The following TMEM131 variants were observed in gnomAD, a reference collection of about 807,000 sequenced individuals.
The protein encoded by TMEM131 is 2610524E03Rik.
TMEM131 carries 66 observed loss-of-function variants against 211.6 expected under a neutral mutation model. The ratio of observed to expected loss-of-function variants is 0.31; its 90% CI spans 0.26 to 0.38. TMEM131 has a LOEUF of 0.38. TMEM131 is among the 10% of genes least tolerant of loss of function. The pLI is 1.00. For missense variants in TMEM131, 2,036 were observed against 2,299.3 expected (o/e 0.89, Z 2.34); for synonymous variants, 844 against 841.3 (o/e 1.00, Z -0.06).
intron 4 of TMEM131, among the ~76,000 whole-genome samples, chr2:97,863,369 C>G (rs76803876): frequency 0.028 from 4,225 of 152,178 alleles, 66 homozygotes; most frequent in Middle Eastern, 0.065. Context: ...CCGCAAGCAC[C>G]AGTAACCAAA....
intron 25 of TMEM131, among the ~76,000 whole-genome samples, chr2:97,801,281 T>G (rs891212261): frequency 3.3e-5 from 5 of 152,232 alleles, no homozygotes; most frequent in African/African-American, 7.2e-5. Context: ...GAGCCTTAGC[T>G]CCAAGTGTTA....
At chr2:97,786,216 G>A (rs927609961) in intron 31 of TMEM131, among the ~76,000 whole-genome samples, 9 of 152,098 alleles carry the variant, frequency 5.9e-5, no homozygotes, top group East Asian at 1.9e-4. Context: ...TTATTTGCAC[G>A]TGAATCTACA....
intron 5 of TMEM131, among the ~76,000 whole-genome samples, chr2:97,849,715 C>A (rs56319654): frequency 8.2e-4 from 100 of 122,104 alleles, no homozygotes; most frequent in African/African-American, 2.9e-3. Flanking sequence ...ATCTCTCTCT[C>A]TCTTTTTTTT....
intron 1 of TMEM131, among the ~76,000 whole-genome samples, chr2:97,932,718 C>T (rs1677281183): frequency 6.6e-6 from 1 of 152,190 alleles, no homozygotes; most frequent in Non-Finnish European, 1.5e-5. Flanking sequence ...CTCTTAGCAG[C>T]TTCAGTATCA....
intron 24 of TMEM131, 53 bp downstream of exon 24, chr2:97,802,375 A>G: frequency 7.6e-7 from 1 of 1,307,688 alleles, no homozygotes; most frequent in Non-Finnish European, 1.1e-6. Flanking sequence ...AGTGAATAAA[A>G]TACTAATTCA....
intron 1 of TMEM131, among the ~76,000 whole-genome samples, chr2:97,946,123 A>C (rs898501169): frequency 3.9e-5 from 6 of 152,142 alleles, no homozygotes; most frequent in Non-Finnish European, 8.8e-5. Flanking sequence ...ATCTTGTAAT[A>C]TAATATTTAT....
intron 2 of TMEM131, among the ~76,000 whole-genome samples, chr2:97,915,219 A>G (rs1371965998): frequency 1.3e-5 from 2 of 152,150 alleles, no homozygotes; most frequent in Non-Finnish European, 2.9e-5. Flanking sequence ...TTCTTTCTAT[A>G]TTCCAGAAAC....
chr2:97,893,203 C>T (rs1012713740), intron 3 of TMEM131, among the ~76,000 whole-genome samples: 2 of 152,168 alleles, frequency 1.3e-5, no homozygotes, highest in African/African-American at 4.8e-5. Context: ...CATCCATGTC[C>T]CTGCAAAGGG....
intron 5 of TMEM131, among the ~76,000 whole-genome samples, chr2:97,845,996 G>A (rs1051187113): frequency 1.3e-5 from 2 of 152,098 alleles, no homozygotes; most frequent in South Asian, 2.1e-4. Flanking sequence ...TTTGACAGTC[G>A]GCTAGATCTG....
intron 1 of TMEM131, among the ~76,000 whole-genome samples, chr2:97,990,549 T>A (rs1269783850): frequency 1.3e-5 from 2 of 152,238 alleles, no homozygotes; most frequent in Non-Finnish European, 2.9e-5. Context: ...AGCCTCAGTT[T>A]CATGATCTCT....
rs1363457968 is a variant in TMEM131, at chr2:97,797,413, T to C, written c.2822A>G (p.Lys941Arg). The stretch of plus-strand genomic sequence containing the variant: ...AGTTCTGTTGTGAACTGGAGTAAAC[T>C]TTACTTTGACAGATTTCTTTTCTCC... ...KPGEKKSVKVKFTPVHNRTVS... is the reference protein window; with the variant it reads ...KPGEKKSVKVRFTPVHNRTVS... Residue 941 changes from lysine (K) to arginine (R), a missense_variant, in exon 26 of 41, where the codon AAG (lysine) becomes AGG (arginine). Lys to Arg is a conservative substitution (Grantham distance 26). Coordinates refer to ENST00000186436, the MANE Select transcript of TMEM131 (RefSeq NM_015348.2). 3 of 1,612,690 alleles carry C rather than the reference T, an allele frequency of 1.9e-6. No homozygotes were observed. Among genetic ancestry groups the C allele is most frequent in the Admixed American group, 3.3e-5 (2 of 59,970 alleles).
intron 11 of TMEM131, among the ~76,000 whole-genome samples, chr2:97,829,750 G>C (rs1264190691): frequency 1.3e-5 from 2 of 152,132 alleles, no homozygotes; most frequent in African/African-American, 4.8e-5. Flanking sequence ...CTTCAAGTCA[G>C]AGAGACCAAG....
chr2:97,973,368 G>A (rs1165381114), intron 1 of TMEM131, among the ~76,000 whole-genome samples: 1 of 152,172 alleles, frequency 6.6e-6, no homozygotes, highest in East Asian at 1.9e-4. Flanking sequence ...AAGGACATGG[G>A]AAACAAACAA....
At position 97,939,628 on chromosome 2, in the gene TMEM131, C is replaced by T. The variant is rs1573586475; in HGVS notation, c.188-12141G>A. ...GGAGCTGGTACCATTCCTTCTGAAA[C>T]TATTGCAATCAACAGAAAAAGAGGG... On this transcript the variant is annotated intron_variant, in intron 1 of 40. Transcript: ENST00000186436. 4.6e-5 allele frequency among the ~76,000 whole-genome samples: 7 copies of T among 152,310 alleles called. 1 individual carries two copies. Among genetic ancestry groups the T allele is most frequent in the Admixed American group, 4.6e-4 (7 of 15,306 alleles).
chr2:97,844,935 C>A (rs961197135), intron 5 of TMEM131, among the ~76,000 whole-genome samples: 1 of 152,082 alleles, frequency 6.6e-6, no homozygotes, highest in Non-Finnish European at 1.5e-5. Context: ...CATTCTGCCT[C>A]TATGGCTAGA....
intron 4 of TMEM131, among the ~76,000 whole-genome samples, chr2:97,877,208 A>G (rs561911607): frequency 1.1e-3 from 170 of 152,312 alleles, no homozygotes; most frequent in African/African-American, 3.9e-3. Flanking sequence ...TTAAGAGAGG[A>G]CACAAACAAA....
intron 7 of TMEM131, among the ~76,000 whole-genome samples, chr2:97,839,047 G>C (rs78006955): frequency 0.33 from 50,709 of 152,076 alleles, 9,308 homozygotes; most frequent in Non-Finnish European, 0.39. Context: ...GATTAGACCA[G>C]ACTCAGTGGC....
intron 2 of TMEM131, among the ~76,000 whole-genome samples, chr2:97,920,800 G>A (rs890894111): frequency 6.6e-6 from 1 of 152,112 alleles, no homozygotes; most frequent in Non-Finnish European, 1.5e-5. Flanking sequence ...TCTATCGAAA[G>A]ATGTTCAAGA....
At chr2:97,934,277 T>C (rs1677350301) in intron 1 of TMEM131, among the ~76,000 whole-genome samples, 1 of 151,982 alleles carries the variant, frequency 6.6e-6, no homozygotes, top group Admixed American at 6.6e-5. Context: ...CATTTACGAC[T>C]CCAAATAAAA....
Sources: allele counts gnomAD v4.1 joint callset (sites outside exome capture counted in the v4.1 genomes callset), GRCh38; gene constraint gnomAD v4.1.1; transcripts MANE v1.5; gene names NCBI Gene and HGNC (gene_info 2026-07-23, HGNC 2026-07-21).